The following ZNRF1 variants were observed in gnomAD, a reference collection of about 807,000 sequenced individuals.
ZNRF1 encodes the protein zinc and ring finger 1, also known as E3 ubiquitin-protein ligase ZNRF1.
ZNRF1 carries 3 observed loss-of-function variants against 18.4 expected under a neutral mutation model. The observed-to-expected ratio is 0.16, with a 90% confidence interval of 0.07 to 0.42. The LOEUF is 0.42. Ranked by LOEUF, ZNRF1 falls within the 10% of genes least tolerant of loss-of-function variation. The pLI is 0.99. For missense variants in ZNRF1, 310 were observed against 329.8 expected, an observed-to-expected ratio of 0.94 and a Z score of 0.47; for synonymous variants, 157 against 144.2, an observed-to-expected ratio of 1.09 and a Z score of -0.64.
rs918177042 is a variant in ZNRF1, at chr16:75,073,922, C to G, written c.425-19650C>G. The stretch of plus-strand genomic sequence containing the variant: ...GGACTCAGAAAACATGATTATGTCC[C>G]TTTTCTCTTGCTATTTTCTCGTAAA... On this transcript the variant is annotated intron_variant, in intron 1 of 4. Coordinates refer to ENST00000335325, the MANE Select transcript of ZNRF1 (RefSeq NM_032268.5). 6.6e-5 allele frequency among the ~76,000 whole-genome samples: 10 copies of G among 152,196 alleles called. No individual in the cohort carries two copies. In the South Asian group the frequency reaches 1.9e-3, roughly 28 times the overall value.
chr16:75,021,538 A>C (rs111957173), intron 1 of ZNRF1, among the ~76,000 whole-genome samples: 2 of 152,156 alleles, frequency 1.3e-5, no homozygotes, highest in Non-Finnish European at 2.9e-5. Context: ...ATTGGTGCTA[A>C]ACTCTTTTTG....
At chr16:75,038,136 A>C (rs141137411) in intron 1 of ZNRF1, among the ~76,000 whole-genome samples, 1 of 152,278 alleles carries the variant, frequency 6.6e-6, no homozygotes, top group African/African-American at 2.4e-5. Flanking sequence ...TCAAAACTTA[A>C]TGGCTTAAAA....
intron 1 of ZNRF1, among the ~76,000 whole-genome samples, chr16:75,004,334 C>T (rs540859238): frequency 6.6e-6 from 1 of 152,238 alleles, no homozygotes; most frequent in East Asian, 1.9e-4. Flanking sequence ...ATGGCTGCCT[C>T]GGTGCTATTC....
At chr16:75,020,937 T>A (rs1011912566) in intron 1 of ZNRF1, among the ~76,000 whole-genome samples, 1 of 152,234 alleles carries the variant, frequency 6.6e-6, no homozygotes, top group Non-Finnish European at 1.5e-5. Context: ...CTTGCATGCT[T>A]CATTAAAATC....
intron 1 of ZNRF1, among the ~76,000 whole-genome samples, chr16:75,082,674 C>G (rs573953513): frequency 6.6e-6 from 1 of 152,326 alleles, no homozygotes; most frequent in Admixed American, 6.5e-5. Context: ...CTGCCTCAGC[C>G]TCCCAAGTAG....
At chr16:75,107,562 G>A (rs1028721816) in intron 4 of ZNRF1, 171 bp from the exon 5 acceptor site, 2 of 375,646 alleles carry the variant, frequency 5.3e-6, no homozygotes, top group African/African-American at 4.2e-5. Context: ...TGAGGCAGGG[G>A]AGTAGAACCT....
Position 75,100,474 on chromosome 16 carries a change from T to C in ZNRF1, c.521-4310T>C, listed in dbSNP as rs1039074195. Reference sequence around the variant, plus strand: ...GTCATAAAGCGCCTAAGCCTTATCCTCATACCTGCCTCTCCCTTCCCTGAA... The same window carrying C: ...GTCATAAAGCGCCTAAGCCTTATCCCCATACCTGCCTCTCCCTTCCCTGAA... On this transcript the variant is annotated intron_variant, in intron 2 of 4. Coordinates refer to ENST00000335325, the MANE Select transcript of ZNRF1 (RefSeq NM_032268.5). Among the ~76,000 whole-genome samples the C allele has an allele frequency of 4.6e-5, 7 of 152,172 alleles. No individual in the cohort carries two copies. In the South Asian group the frequency reaches 1.4e-3, roughly 32 times the overall value.
Position 75,013,836 on chromosome 16 carries a change from AT to A in ZNRF1, c.424+13751del, listed in dbSNP as rs897611798. Among the ~76,000 whole-genome samples, 244 of 148,836 alleles carry A rather than the reference AT, an allele frequency of 1.6e-3. 2 individuals carry two copies. The highest frequency in any genetic ancestry group is 0.015 in the Admixed American group (226 of 14,962). ...ATTTATTTATTTTTAATTTAATTTT[AT>A]TTTTTTTTTCGAGACGGAGTCTCAC... On this transcript the variant is annotated intron_variant, in intron 1 of 4. Coordinates refer to ENST00000335325, the MANE Select transcript of ZNRF1 (RefSeq NM_032268.5).
At chr16:75,060,520 CA>C (rs2035729285) in intron 1 of ZNRF1, among the ~76,000 whole-genome samples, 1 of 137,270 alleles carries the variant, frequency 7.3e-6, no homozygotes, top group Non-Finnish European at 1.5e-5. Context: ...TTCTGTCGCC[CA>C]GGCTTGGAGT....
At chr16:75,096,059 CACGTGTGTGTGT>C (rs1275374531) in intron 2 of ZNRF1, among the ~76,000 whole-genome samples, 15 of 61,766 alleles carry the variant, frequency 2.4e-4, no homozygotes, top group Admixed American at 3.3e-4. Flanking sequence ...TGTATGTGTG[CACGTGTGTGTGT>C]GTGTGTGTGT....
At chr16:75,032,221 C>T (rs1346177091) in intron 1 of ZNRF1, among the ~76,000 whole-genome samples, 5 of 149,398 alleles carry the variant, frequency 3.3e-5, no homozygotes, top group Admixed American at 1.4e-4. Flanking sequence ...GCAATTGTCT[C>T]GCCTTAGCCT....
intron 1 of ZNRF1, among the ~76,000 whole-genome samples, chr16:75,055,402 C>A (rs186333618): frequency 4.1e-4 from 63 of 152,292 alleles, no homozygotes; most frequent in Non-Finnish European, 8.5e-4. Flanking sequence ...TAGAATCTCA[C>A]CTTCTTGCAG....
At chr16:75,068,520 G>T (rs1249013117) in intron 1 of ZNRF1, among the ~76,000 whole-genome samples, 1 of 152,142 alleles carries the variant, frequency 6.6e-6, no homozygotes, top group Admixed American at 6.5e-5. Context: ...CTTTTTCACG[G>T]ATTGTCTACT....
At chr16:75,101,766 C>T (rs2036257657) in intron 2 of ZNRF1, among the ~76,000 whole-genome samples, 1 of 152,242 alleles carries the variant, frequency 6.6e-6, no homozygotes, top group Non-Finnish European at 1.5e-5. Context: ...TCCAAGTCCT[C>T]CTTTCCTCTA....
chr16:75,051,179 C>A (rs998991419), intron 1 of ZNRF1, among the ~76,000 whole-genome samples: 9 of 151,992 alleles, frequency 5.9e-5, no homozygotes, highest in African/African-American at 9.7e-5. Flanking sequence ...GACAGACCAC[C>A]CCCTCCACTA....
intron 1 of ZNRF1, among the ~76,000 whole-genome samples, chr16:75,068,296 T>C (rs1320696): frequency 0.88 from 133,002 of 151,718 alleles, 58,961 homozygotes; most frequent in Non-Finnish European, 0.94. Flanking sequence ...CCCTGGAGGT[T>C]GAAGCTGCAG....
intron 1 of ZNRF1, among the ~76,000 whole-genome samples, chr16:75,058,603 C>T (rs985755942): frequency 1.3e-5 from 2 of 152,160 alleles, no homozygotes. Context: ...AATCATAGCC[C>T]TACTGGACAA....
At chr16:75,023,509 C>T (rs2035181084) in intron 1 of ZNRF1, among the ~76,000 whole-genome samples, 1 of 152,128 alleles carries the variant, frequency 6.6e-6, no homozygotes, top group Non-Finnish European at 1.5e-5. Flanking sequence ...CATGGCCAAA[C>T]CCCGTCTCTA....
Position 75,059,726 on chromosome 16 carries a change from A to C in ZNRF1, c.425-33846A>C, listed in dbSNP as rs554035440. 3.3e-5 allele frequency among the ~76,000 whole-genome samples: 5 copies of C among 152,198 alleles called. No homozygotes were observed. In the East Asian group the frequency reaches 9.6e-4, roughly 29 times the overall value. ...TTGGAGCCAAAAGTTCGAAGTTTTT[A>C]CTCTACCTGTAATGTTTGGAAATTG... On this transcript the variant is annotated intron_variant, in intron 1 of 4. Coordinates refer to ENST00000335325, the MANE Select transcript of ZNRF1 (RefSeq NM_032268.5).
Sources: gnomAD v4.1 joint callset for allele counts (sites outside exome capture counted in the v4.1 genomes callset) on GRCh38, gnomAD v4.1.1 for gene constraint, MANE v1.5 for transcripts, NCBI Gene and HGNC (gene_info 2026-07-23, HGNC 2026-07-21) for gene names.